The following CADM3 variants were observed in gnomAD, a reference collection of about 807,000 sequenced individuals.
CADM3 encodes the protein TSLC1-like 1.
A neutral mutation model predicts 44.9 loss-of-function variants in CADM3; 11 were observed. The ratio of observed to expected loss-of-function variants is 0.25; its 90% CI spans 0.15 to 0.41. CADM3 has a LOEUF of 0.41. Among genes scored for constraint, CADM3 ranks in the 10% least tolerant of loss-of-function variants. CADM3 has a pLI of 1.00. For missense variants in CADM3, 426 were observed against 512.0 expected (o/e 0.83, Z 1.62); for synonymous variants, 207 against 205.2 (o/e 1.01, Z -0.08).
chr1:159,180,579 ATT>A lies in CADM3; in HGVS notation c.88+8738_88+8739del, dbSNP rs10681414. On this transcript the variant is annotated intron_variant, in intron 1 of 8. Coordinates refer to ENST00000368125, the MANE Select transcript of CADM3 (RefSeq NM_001127173.3). ...ATGTACCGCAATTTTAAAAATACAG[ATT>A]TTTTTTTTTTTAAGTGAGAAGAGTG... Among the ~76,000 whole-genome samples, 169 of 149,496 alleles carry A rather than the reference ATT, an allele frequency of 1.1e-3. 1 individual carries two copies. In the South Asian group the frequency reaches 0.021, roughly 18 times the overall value.
At chr1:159,181,162 C>G (rs1649219926) in intron 1 of CADM3, among the ~76,000 whole-genome samples, 1 of 152,152 alleles carries the variant, frequency 6.6e-6, no homozygotes, top group African/African-American at 2.4e-5. Context: ...TTTCCTTTCT[C>G]AAGTACTTTC....
rs567627591 is a variant in CADM3, at chr1:159,199,704, T to C, written c.953-47T>C. 11 of 1,613,912 alleles carry C rather than the reference T, an allele frequency of 6.8e-6. No individual in the cohort carries two copies. The South Asian group carries it at 1.2e-4, about 18-fold the overall frequency. Reference sequence around the variant, plus strand: ...ATGGCCAAGTTGGAATGCTATAAGATAAGGGCTCTCCCCAGATCTGACTGT... The same window carrying C: ...ATGGCCAAGTTGGAATGCTATAAGACAAGGGCTCTCCCCAGATCTGACTGT... On this transcript the variant is annotated intron_variant, in intron 7 of 8. Coordinates refer to ENST00000368125, the MANE Select transcript of CADM3 (RefSeq NM_001127173.3).
At position 159,203,284 on chromosome 1, in the gene CADM3, T is replaced by C. The variant is rs148552989; in HGVS notation, c.*2362T>C. ...GCCAGGCCACTCTCAAGAATATCTA[T>C]GTACAGCAACAATATAACTCTACAA... On this transcript the variant is annotated 3_prime_UTR_variant, in exon 9 of 9. Transcript: ENST00000368125. 2.6e-5 allele frequency: 4 copies of C among 152,360 alleles called. No individual in the cohort carries two copies. The highest frequency in any genetic ancestry group is 2.4e-5 in the African/African-American group (1 of 41,562). 9.4% of individuals were successfully genotyped at this position (152,360 alleles called of 1,614,324 possible).
At chr1:159,173,606 G>T (rs970066989) in intron 1 of CADM3, among the ~76,000 whole-genome samples, 2 of 152,188 alleles carry the variant, frequency 1.3e-5, no homozygotes, top group African/African-American at 4.8e-5. Flanking sequence ...CAGGCTAAGT[G>T]CACGACAGAG....
chr1:159,198,508 T>TAA (rs750242943), intron 7 of CADM3, among the ~76,000 whole-genome samples: 1 of 152,062 alleles, frequency 6.6e-6, no homozygotes, highest in Non-Finnish European at 1.5e-5. Flanking sequence ...AAGCAGGGCA[T>TAA]AAAAAACCAG....
chr1:159,171,672 T>G lies in CADM3; in HGVS notation c.-94T>G. 1.0e-6 allele frequency: 1 copy of G among 985,884 alleles called. No homozygotes were observed. Among genetic ancestry groups the G allele is most frequent in the Non-Finnish European group, 1.3e-6 (1 of 764,242 alleles). 61.1% of individuals were successfully genotyped at this position (985,884 alleles called of 1,614,324 possible). The stretch of plus-strand genomic sequence containing the variant: ...CTCCGAAGCGGCTCGGGGGCGCCCT[T>G]TCGGTCAACATCGTAGTCCACCCCC... On this transcript the variant is annotated 5_prime_UTR_variant, in exon 1 of 9. Coordinates refer to ENST00000368125, the MANE Select transcript of CADM3 (RefSeq NM_001127173.3).
At chr1:159,189,739 G>C in intron 1 of CADM3, 2 of 1,491,300 alleles carry the variant, frequency 1.3e-6, no homozygotes, top group Non-Finnish European at 1.9e-6. Flanking sequence ...GATACATGTA[G>C]GGCTCATGCT....
At chr1:159,173,044 A>C (rs954032539) in intron 1 of CADM3, among the ~76,000 whole-genome samples, 34 of 151,790 alleles carry the variant, frequency 2.2e-4, no homozygotes, top group Admixed American at 2.1e-3. Context: ...GCTGGGATGG[A>C]GGAAGGGGGA....
chr1:159,192,472 C>A, intron 2 of CADM3, 106 bp from the exon 3 acceptor site: 1 of 1,319,382 alleles, frequency 7.6e-7, no homozygotes, highest in Non-Finnish European at 1.1e-6. Context: ...TTTTTCCCCA[C>A]CCACCATACT....
rs1004640113 is a variant in CADM3 at position 159,171,717 on chromosome 1, G to A, written c.-49G>A. ...ACCCCCTCCCCATCCCCAGCCCCCG[G>A]GGATTCAGGCTCGCCAGCGCCCAGC... is the stretch of plus-strand genomic sequence containing the variant. On this transcript the variant is annotated 5_prime_UTR_variant, in exon 1 of 9. Coordinates refer to ENST00000368125, the MANE Select transcript of CADM3 (RefSeq NM_001127173.3). 19 of 1,207,896 alleles carry A rather than the reference G, an allele frequency of 1.6e-5. No individual in the cohort carries two copies. The highest frequency in any genetic ancestry group is 2.0e-5 in the Non-Finnish European group (19 of 966,164). The allele number at this position is 1,207,896 out of a possible 1,614,324, so 74.8% of individuals were successfully genotyped here.
chr1:159,194,082 A>C, intron 5 of CADM3, 42 bp downstream of exon 5: 1 of 1,584,354 alleles, frequency 6.3e-7, no homozygotes. Context: ...GAGGTATGAG[A>C]TGAGGACCAG....
rs1649929206 is a variant in CADM3, at chr1:159,196,996, C to T, written c.888C>T (p.Thr296=). ...TCCTCAACAAGAGTGACAGTGGCAC[C>T]TACGGCTGCACAGCCACCAGCAACA... ...FPFLNKSDSG[T]YGCTATSNMG... Residue 296 remains threonine, a synonymous_variant, in exon 7 of 9, where the codon ACC becomes ACT. Coordinates refer to ENST00000368125, the MANE Select transcript of CADM3 (RefSeq NM_001127173.3). The T allele has an allele frequency of 6.2e-7, 1 of 1,614,102 alleles. No homozygotes were observed. Among genetic ancestry groups the T allele is most frequent in the Non-Finnish European group, 8.5e-7 (1 of 1,180,014 alleles).
intron 7 of CADM3, among the ~76,000 whole-genome samples, chr1:159,198,862 G>A (rs1317653171): frequency 6.6e-6 from 1 of 152,112 alleles, no homozygotes; most frequent in Non-Finnish European, 1.5e-5. Flanking sequence ...CTCTACCTAG[G>A]TTGCCATGGA....
At chr1:159,178,885 T>C (rs1649127585) in intron 1 of CADM3, among the ~76,000 whole-genome samples, 1 of 152,202 alleles carries the variant, frequency 6.6e-6, no homozygotes, top group Non-Finnish European at 1.5e-5. Flanking sequence ...TAAGAGTTAA[T>C]ATAATAGTTA....
chr1:159,181,324 G>A (rs779097806), intron 1 of CADM3, among the ~76,000 whole-genome samples: 1 of 152,214 alleles, frequency 6.6e-6, no homozygotes, highest in Non-Finnish European at 1.5e-5. Context: ...GCATTAGAAT[G>A]CAGATTTCAA....
intron 1 of CADM3, among the ~76,000 whole-genome samples, chr1:159,179,940 T>C (rs1290617776): frequency 6.6e-6 from 1 of 152,210 alleles, no homozygotes; most frequent in Admixed American, 6.5e-5. Flanking sequence ...TATCTGCTAA[T>C]CTCACACAAA....
At chr1:159,192,983 G>A (rs1363897976) in intron 3 of CADM3, among the ~76,000 whole-genome samples, 1 of 152,184 alleles carries the variant, frequency 6.6e-6, no homozygotes, top group Non-Finnish European at 1.5e-5. Flanking sequence ...ACAGAGAGAT[G>A]ATCATACCCC....
chr1:159,182,430 G>A (rs1410760400), intron 1 of CADM3, among the ~76,000 whole-genome samples: 1 of 152,188 alleles, frequency 6.6e-6, no homozygotes, highest in Non-Finnish European at 1.5e-5. Flanking sequence ...CAGTCCACAA[G>A]GACTGCTATA....
chr1:159,200,522 A>ACACACACGCATGCGTGCAAG (rs1650130240), intron 8 of CADM3, among the ~76,000 whole-genome samples: 1 of 7,758 alleles, frequency 1.3e-4, no homozygotes, highest in South Asian at 2.6e-3. Flanking sequence ...GTGCAAGCAC[A>ACACACACGCATGCGTGCAAG]CACACACACA....
Sources: allele counts gnomAD v4.1 joint callset (sites outside exome capture counted in the v4.1 genomes callset), GRCh38; gene constraint gnomAD v4.1.1; transcripts MANE v1.5; gene names NCBI Gene and HGNC (gene_info 2026-07-23, HGNC 2026-07-21).